Variants in SAXO4 observed in about 807,000 individuals in gnomAD.
SAXO4 encodes protein phosphatase 1 regulatory subunit 32.
At chr11:61,489,951 C>T in the SAXO4 span, 76,936 of 1,606,160 alleles carry the variant, frequency 0.048, 2,173 homozygotes, top group Non-Finnish European at 0.056. Context: ...GGGAAGGTGG[C>T]ACCACCCCCA....
the SAXO4 span, chr11:61,482,064 C>T: frequency 2.9e-6 from 2 of 690,262 alleles, no homozygotes; most frequent in Middle Eastern, 2.8e-4. Context: ...CCGGCTGCTC[C>T]CTTCTCTGGT....
the SAXO4 span, chr11:61,490,714 C>G: frequency 1.3e-6 from 1 of 776,718 alleles, no homozygotes; most frequent in East Asian, 2.6e-5. Context: ...TGGGGGGTGA[C>G]AGATCAGGGG....
the SAXO4 span, chr11:61,489,922 G>A: frequency 2.2e-5 from 35 of 1,612,148 alleles, no homozygotes; most frequent in African/African-American, 2.0e-4. Context: ...GAGAGCCTGC[G>A]GCACCTGCAT....
At chr11:61,490,700 C>G in the SAXO4 span, 11 of 889,630 alleles carry the variant, frequency 1.2e-5, no homozygotes, top group Middle Eastern at 2.3e-4. Context: ...ACCCCCCTTC[C>G]AAGTGGGGGG....
chr11:61,487,783 C>T, the SAXO4 span, among the ~76,000 whole-genome samples: 1 of 152,148 alleles, frequency 6.6e-6, no homozygotes, highest in Non-Finnish European at 1.5e-5. Flanking sequence ...ACATTCCATC[C>T]AGCCAATGGT....
the SAXO4 span, chr11:61,482,234 G>A: frequency 8.7e-5 from 117 of 1,340,074 alleles, no homozygotes; most frequent in South Asian, 1.6e-4. Flanking sequence ...TGTGCCCCTC[G>A]GAGGACGCTG....
the SAXO4 span, chr11:61,490,726 CCT>C: frequency 4.3e-6 from 3 of 691,730 alleles, no homozygotes; most frequent in Non-Finnish European, 7.6e-6. Flanking sequence ...GATCAGGGGG[CCT>C]CTCAGAACCC....
the SAXO4 span, among the ~76,000 whole-genome samples, chr11:61,488,248 A>G: frequency 4.6e-5 from 7 of 150,628 alleles, no homozygotes; most frequent in Non-Finnish European, 4.4e-5. Context: ...TGGCCTCCCA[A>G]AGTGCTGGGA....
the SAXO4 span, among the ~76,000 whole-genome samples, chr11:61,488,026 G>A: frequency 8.2e-5 from 12 of 146,658 alleles, no homozygotes; most frequent in Non-Finnish European, 1.3e-4. Context: ...TCACTCTGTC[G>A]CCCAGGCTGG....
the SAXO4 span, chr11:61,487,124 C>T: frequency 1.2e-6 from 2 of 1,613,168 alleles, no homozygotes; most frequent in Non-Finnish European, 1.7e-6. Context: ...TGACAATTCC[C>T]CTGTCTACCC....
At chr11:61,484,705 C>G in the SAXO4 span, 2 of 1,613,686 alleles carry the variant, frequency 1.2e-6, no homozygotes, top group Non-Finnish European at 8.5e-7. Flanking sequence ...AGGTCCATTT[C>G]GACACCCAGG....
chr11:61,488,526 G>A, the SAXO4 span, among the ~76,000 whole-genome samples: 2 of 152,058 alleles, frequency 1.3e-5, no homozygotes, highest in African/African-American at 4.8e-5. Flanking sequence ...GGATGGTCTT[G>A]ATCTCCTGAC....
the SAXO4 span, among the ~76,000 whole-genome samples, chr11:61,484,319 T>A: frequency 0.014 from 2,121 of 152,222 alleles, 58 homozygotes; most frequent in African/African-American, 0.049. Flanking sequence ...AAGAGCTTGC[T>A]ATGGAGACAC....
the SAXO4 span, chr11:61,484,849 G>A: frequency 1.3e-6 from 2 of 1,534,964 alleles, no homozygotes; most frequent in Non-Finnish European, 1.8e-6. Flanking sequence ...GCTTCGGGGT[G>A]GGGCAGAGGG....
chr11:61,490,473 C>A, the SAXO4 span: 4 of 1,605,658 alleles, frequency 2.5e-6, no homozygotes, highest in Non-Finnish European at 3.4e-6. Flanking sequence ...GCCAACACCC[C>A]CAACACTCTC....
the SAXO4 span, among the ~76,000 whole-genome samples, chr11:61,487,647 G>A: frequency 6.6e-6 from 1 of 152,196 alleles, no homozygotes; most frequent in Admixed American, 6.5e-5. Flanking sequence ...CCTTGCTCAG[G>A]CAAAGCAGCT....
At chr11:61,487,186 G>A in the SAXO4 span, 84 of 1,613,774 alleles carry the variant, frequency 5.2e-5, no homozygotes, top group Non-Finnish European at 6.9e-5. Flanking sequence ...ATGTATGTCC[G>A]GAGCCCCTGT....
the SAXO4 span, among the ~76,000 whole-genome samples, chr11:61,485,180 C>T: frequency 1.3e-5 from 2 of 152,166 alleles, no homozygotes; most frequent in Non-Finnish European, 1.5e-5. Context: ...CCTGGCCCTG[C>T]GATGTCCCAC....
At chr11:61,485,699 T>C in the SAXO4 span, 1 of 905,680 alleles carries the variant, frequency 1.1e-6, no homozygotes. Flanking sequence ...CTCCAGGATC[T>C]TGGGATCCAC....
Sources: gnomAD v4.1 joint callset for allele counts (sites outside exome capture counted in the v4.1 genomes callset) on GRCh38, gnomAD v4.1.1 for gene constraint, MANE v1.5 for transcripts, NCBI Gene and HGNC (gene_info 2026-07-23, HGNC 2026-07-21) for gene names.